Variants in FHIP1B observed in about 807,000 individuals in gnomAD.
FHIP1B encodes FHF complex subunit HOOK interacting protein 1B, also known as FHF complex subunit HOOK-interacting protein 1B.
FHIP1B carries 28 observed loss-of-function variants against 82.2 expected under a neutral mutation model. The observed-to-expected ratio is 0.34, with a 90% confidence interval of 0.25 to 0.47. The LOEUF (loss-of-function observed/expected upper bound fraction) is 0.47. Among genes scored for constraint, FHIP1B ranks in the 20% least tolerant of loss-of-function variants. The pLI is 1.00. For synonymous variants in FHIP1B, 585 were observed against 516.1 expected (o/e 1.13, Z -1.81); for missense variants, 1,110 against 1,262.6 (o/e 0.88, Z 1.83).
intron 11 of FHIP1B, among the ~76,000 whole-genome samples, chr11:6,212,863 T>C (rs1215678135): frequency 3.3e-5 from 5 of 152,228 alleles, no homozygotes; most frequent in African/African-American, 9.6e-5. Context: ...GCACTTTTCA[T>C]GCGCCTGTAG....
chr11:6,232,924 A>C (rs1697294395), intron 1 of FHIP1B, among the ~76,000 whole-genome samples: 2 of 152,222 alleles, frequency 1.3e-5, no homozygotes, highest in Admixed American at 1.3e-4. Context: ...CACCAAAAGA[A>C]TAGGAATGAT....
In FHIP1B at chr11:6,214,879, C is replaced by T. The variant is rs768314974; in HGVS notation, c.2248G>A (p.Glu750Lys). Residue 750 changes from glutamate (E) to lysine (K), a missense_variant, in exon 10 of 12, where the codon GAG (glutamate) becomes AAG (lysine). By Grantham distance (56) the Glu-to-Lys change is moderately conservative (BLOSUM62 1). Transcript: ENST00000449352. ...TAGACGGAGTTCTGCAGCATGTTCT[C>T]GAGTTTGGCAAAGAGCACAGCCATG... ...PFMAVLFAKLENMLQNSVYVN... is the reference protein window; with the variant it reads ...PFMAVLFAKLKNMLQNSVYVN... 1 of 1,601,414 alleles carries T rather than the reference C, an allele frequency of 6.2e-7. No individual in the cohort carries two copies.
At chr11:6,221,271 C>G (rs1469085793) in intron 6 of FHIP1B, among the ~76,000 whole-genome samples, 1 of 151,974 alleles carries the variant, frequency 6.6e-6, no homozygotes, top group African/African-American at 2.4e-5. Context: ...ATCTCATTAT[C>G]TAGAAGTTTT....
intron 6 of FHIP1B, 130 bp from the exon 7 acceptor site, chr11:6,219,180 C>T: frequency 1.5e-6 from 1 of 650,158 alleles, no homozygotes; most frequent in Admixed American, 2.6e-5. Context: ...CCTAGAGGAC[C>T]ATGTACCATG....
chr11:6,229,012 TA>T (rs1327585515), intron 1 of FHIP1B, among the ~76,000 whole-genome samples: 1 of 152,244 alleles, frequency 6.6e-6, no homozygotes, highest in Non-Finnish European at 1.5e-5. Context: ...CATATCTTTG[TA>T]AATATGGTCC....
Position 6,217,347 on chromosome 11 carries a change from G to A in FHIP1B, c.2215+24C>T, listed in dbSNP as rs775217953. ...GAACATGCAAAGAGTACACAGAAGG[G>A]AAGGCCTAGGCTAAGTAGCTTACCA... On this transcript the variant is annotated intron_variant, in intron 9 of 11. Transcript: ENST00000449352. 5.0e-6 allele frequency: 8 copies of A among 1,599,442 alleles called. No individual in the cohort carries two copies. In the Admixed American group the frequency reaches 1.2e-4, roughly 23 times the overall value.
At chr11:6,212,132 C>T (rs899751152) in intron 11 of FHIP1B, among the ~76,000 whole-genome samples, 10 of 152,150 alleles carry the variant, frequency 6.6e-5, no homozygotes, top group Admixed American at 3.9e-4. Flanking sequence ...TCCCTCTATC[C>T]AGCCTCCCCA....
At chr11:6,233,685 A>T (rs1847762238) in intron 1 of FHIP1B, among the ~76,000 whole-genome samples, 2 of 152,178 alleles carry the variant, frequency 1.3e-5, no homozygotes, top group South Asian at 4.1e-4. Context: ...AAACCATATG[A>T]CCTCCATAAA....
intron 1 of FHIP1B, among the ~76,000 whole-genome samples, chr11:6,227,414 C>T (rs1590632920): frequency 6.6e-6 from 1 of 152,146 alleles, no homozygotes; most frequent in Non-Finnish European, 1.5e-5. Flanking sequence ...AGCAACAAGA[C>T]CTGGCAAACA....
chr11:6,222,081 C>A (rs966381455), intron 6 of FHIP1B, among the ~76,000 whole-genome samples: 1 of 152,090 alleles, frequency 6.6e-6, no homozygotes, highest in Non-Finnish European at 1.5e-5. Context: ...AGACACACAA[C>A]CTAAAGTGCT....
rs1293012078 is a variant in FHIP1B at position 6,224,456 on chromosome 11, G to C, written c.61C>G (p.Gln21Glu). Residue 21 changes from glutamine (Q) to glutamate (E), a missense_variant, in exon 2 of 12, where the codon CAA (glutamine) becomes GAA (glutamate). Gln to Glu is a conservative substitution (Grantham distance 29, BLOSUM62 2). This residue lies in a region of FHIP1B where 467 missense variants were observed against 602.9 expected (regional missense o/e 0.77). Transcript: ENST00000449352. ...ACTGGGGTTTGGAGATTGGCCCCTT[G>C]AGGTATACGGTGCCCAGGGCCCCGG... ...ASRGPGHRIP[Q>E]GANLQTPVMA... is the part of the protein sequence containing the mutation. The C allele has an allele frequency of 1.2e-6, 2 of 1,613,918 alleles. No homozygotes were observed. Among genetic ancestry groups the C allele is most frequent in the Middle Eastern group, 1.6e-4 (1 of 6,082 alleles).
At position 6,234,567 on chromosome 11, in the gene FHIP1B, C is replaced by G. The variant is rs1166397758; in HGVS notation, c.-215G>C. The G allele has an allele frequency of 1.3e-5, 2 of 152,488 alleles. No homozygotes were observed. The highest frequency in any genetic ancestry group is 4.8e-5 in the African/African-American group (2 of 41,474). The allele number at this position is 152,488 out of a possible 1,614,324, so 9.4% of individuals were successfully genotyped here. A position where few individuals can be genotyped will look rare whatever the true frequency, so the allele number is the denominator to read the frequency against. The stretch of plus-strand genomic sequence containing the variant: ...ACCGTTCACTCACGGAACGCCGAAC[C>G]TGGCCGGGCCCGGTTGCTGCTGCGG... On this transcript the variant is annotated 5_prime_UTR_variant, in exon 1 of 12. Coordinates refer to ENST00000449352, the MANE Select transcript of FHIP1B (RefSeq NM_001098794.2).
chr11:6,219,058 G>A lies in FHIP1B; in HGVS notation c.1192-8C>T, dbSNP rs183010034. 4.4e-6 allele frequency: 7 copies of A among 1,608,042 alleles called. No individual in the cohort carries two copies. Among genetic ancestry groups the A allele is most frequent in the Non-Finnish European group, 5.1e-6 (6 of 1,175,980 alleles). On this transcript the variant is annotated splice_region_variant and splice_polypyrimidine_tract_variant and intron_variant, in intron 6 of 11. Transcript: ENST00000449352. Reference sequence around the variant, plus strand: ...CAGAGAGACCATGCAGAGCTGGGGGGGTGGAGGGGAGGGAGGGAGTCACCA... The same window carrying A: ...CAGAGAGACCATGCAGAGCTGGGGGAGTGGAGGGGAGGGAGGGAGTCACCA...
intron 1 of FHIP1B, among the ~76,000 whole-genome samples, chr11:6,229,080 C>T (rs969215028): frequency 2.6e-5 from 4 of 152,116 alleles, no homozygotes; most frequent in African/African-American, 9.7e-5. Flanking sequence ...CAAAGAGCCT[C>T]ATTGAAAAAA....
intron 1 of FHIP1B, among the ~76,000 whole-genome samples, chr11:6,225,533 G>C (rs1466974652): frequency 6.6e-6 from 1 of 152,162 alleles, no homozygotes; most frequent in East Asian, 1.9e-4. Flanking sequence ...ACATTAGGTA[G>C]CTTCTTTGAG....
At chr11:6,229,020 G>A (rs543855721) in intron 1 of FHIP1B, among the ~76,000 whole-genome samples, 2 of 152,138 alleles carry the variant, frequency 1.3e-5, no homozygotes, top group South Asian at 2.1e-4. Flanking sequence ...TGTAAATATG[G>A]TCCCTTTATT....
At chr11:6,221,481 T>C (rs943750067) in intron 6 of FHIP1B, among the ~76,000 whole-genome samples, 1 of 152,186 alleles carries the variant, frequency 6.6e-6, no homozygotes, top group African/African-American at 2.4e-5. Context: ...ATGTTATATA[T>C]ATTTCTATTT....
chr11:6,216,692 A>G lies in FHIP1B; in HGVS notation c.2215+679T>C, dbSNP rs1847236539. ...AGGGCATCCTTGAGAGTCCAAATGA[A>G]CTCAGTCAGGGAGCTCAGGGCCACG... On this transcript the variant is annotated intron_variant, in intron 9 of 11. Coordinates refer to ENST00000449352, the MANE Select transcript of FHIP1B (RefSeq NM_001098794.2). 1.4e-5 allele frequency: 3 copies of G among 210,462 alleles called. No individual in the cohort carries two copies. The South Asian group carries it at 2.7e-4, about 19-fold the overall frequency. The allele number at this position is 210,462 out of a possible 1,614,324, so 13.0% of individuals were successfully genotyped here. A position where few individuals can be genotyped will look rare whatever the true frequency, so the allele number is the denominator to read the frequency against.
rs559065820 is a variant in FHIP1B, at chr11:6,221,642, T to G, written c.1191+800A>C. 1.2e-4 allele frequency among the ~76,000 whole-genome samples: 19 copies of G among 152,316 alleles called. No homozygotes were observed. In the South Asian group the frequency reaches 3.5e-3, roughly 28 times the overall value. On this transcript the variant is annotated intron_variant, in intron 6 of 11. Coordinates refer to ENST00000449352, the MANE Select transcript of FHIP1B (RefSeq NM_001098794.2). ...CATGTTAAGCTCTTCCCCCATTTGA[T>G]GTCCTTTGCATGCTGTTCCCCTTGC...
Sources: allele counts gnomAD v4.1 joint callset (sites outside exome capture counted in the v4.1 genomes callset), GRCh38; gene constraint gnomAD v4.1.1; regional missense constraint gnomAD v4.1.1; transcripts MANE v1.5; gene names NCBI Gene and HGNC (gene_info 2026-07-23, HGNC 2026-07-21).